The following SSBP2 variants were observed in gnomAD, a reference collection of about 807,000 sequenced individuals.
The protein encoded by SSBP2 is single-stranded DNA-binding protein 2.
A neutral mutation model predicts 61.8 loss-of-function variants in SSBP2; 17 were observed. That is an observed-to-expected ratio of 0.28 (90% CI 0.19 to 0.41). The LOEUF (loss-of-function observed/expected upper bound fraction) is 0.41, where lower values mean the gene tolerates loss of function less well. SSBP2 is among the 10% of genes least tolerant of loss of function. The probability of loss-of-function intolerance (pLI) is 1.00; values close to 1 mark genes in which losing one functional copy is unlikely to be tolerated. For missense variants in SSBP2, 310 were observed against 458.7 expected, an observed-to-expected ratio of 0.68 and a Z score of 2.96; for synonymous variants, 139 against 141.3, an observed-to-expected ratio of 0.98 and a Z score of 0.12.
intron 1 of SSBP2, among the ~76,000 whole-genome samples, chr5:81,704,555 T>C (rs925490993): frequency 6.6e-6 from 1 of 152,132 alleles, no homozygotes; most frequent in Non-Finnish European, 1.5e-5. Context: ...CCCAGCACTT[T>C]GGGAGGCCAA....
intron 1 of SSBP2, among the ~76,000 whole-genome samples, chr5:81,693,715 C>T (rs112239840): frequency 0.077 from 11,741 of 152,152 alleles, 1,033 homozygotes; most frequent in African/African-American, 0.22. Context: ...AGGGAACCCT[C>T]GTACATTGTT....
intron 4 of SSBP2, among the ~76,000 whole-genome samples, chr5:81,539,034 T>C (rs753309001): frequency 2.5e-4 from 38 of 152,234 alleles, no homozygotes; most frequent in Non-Finnish European, 4.7e-4. Context: ...CTGCCACAAA[T>C]AGTGAATCCT....
At chr5:81,462,817 G>A (rs1580746867) in intron 9 of SSBP2, among the ~76,000 whole-genome samples, 1 of 151,926 alleles carries the variant, frequency 6.6e-6, no homozygotes, top group Non-Finnish European at 1.5e-5. Context: ...TGACATAAAA[G>A]TACACCATAT....
chr5:81,491,881 T>C (rs1473903461), intron 5 of SSBP2, among the ~76,000 whole-genome samples: 1 of 152,208 alleles, frequency 6.6e-6, no homozygotes, highest in Non-Finnish European at 1.5e-5. Flanking sequence ...TGTTATAACA[T>C]GGCTTAGTAT....
At chr5:81,436,033 C>T (rs76679921) in intron 15 of SSBP2, among the ~76,000 whole-genome samples, 2,632 of 151,724 alleles carry the variant, frequency 0.017, 88 homozygotes, top group African/African-American at 0.061. Flanking sequence ...ACTAAAAATA[C>T]GAAAATTAGC....
At chr5:81,592,644 T>C (rs1236707593) in intron 4 of SSBP2, among the ~76,000 whole-genome samples, 2 of 152,254 alleles carry the variant, frequency 1.3e-5, no homozygotes, top group East Asian at 3.9e-4. Flanking sequence ...GAGACAAAAC[T>C]TCCAGAGGAA....
chr5:81,488,401 G>T (rs1766593539), intron 6 of SSBP2, among the ~76,000 whole-genome samples: 2 of 151,710 alleles, frequency 1.3e-5, no homozygotes, highest in Admixed American at 6.6e-5. Context: ...TTGTCTTTTT[G>T]ATAATAGCCA....
At chr5:81,640,421 T>C (rs1476036784) in intron 2 of SSBP2, among the ~76,000 whole-genome samples, 1 of 152,098 alleles carries the variant, frequency 6.6e-6, no homozygotes, top group Non-Finnish European at 1.5e-5. Context: ...ATTAAGGAAC[T>C]TGAAGTTAGA....
At chr5:81,467,570 G>A (rs1212682604) in intron 8 of SSBP2, among the ~76,000 whole-genome samples, 7 of 151,906 alleles carry the variant, frequency 4.6e-5, no homozygotes, top group African/African-American at 1.7e-4. Flanking sequence ...AAAAACTAAT[G>A]TATATTCAAA....
intron 16 of SSBP2, among the ~76,000 whole-genome samples, chr5:81,425,296 G>C (rs1384368594): frequency 1.3e-5 from 2 of 152,066 alleles, no homozygotes; most frequent in Non-Finnish European, 2.9e-5. Context: ...TTTTCTTAGA[G>C]AGAAATAAAG....
intron 6 of SSBP2, among the ~76,000 whole-genome samples, chr5:81,476,841 C>A (rs971538186): frequency 2.6e-5 from 4 of 152,124 alleles, no homozygotes; most frequent in Non-Finnish European, 5.9e-5. Context: ...GTTGGTATTT[C>A]ACTATAAGGA....
intron 4 of SSBP2, among the ~76,000 whole-genome samples, chr5:81,608,800 A>C (rs1745142816): frequency 6.6e-6 from 1 of 152,166 alleles, no homozygotes; most frequent in Admixed American, 6.5e-5. Flanking sequence ...TCAGATGCAG[A>C]AATAGCTATT....
intron 4 of SSBP2, among the ~76,000 whole-genome samples, chr5:81,560,961 T>A (rs1175523030): frequency 6.6e-6 from 1 of 152,150 alleles, no homozygotes; most frequent in African/African-American, 2.4e-5. Context: ...CCACTAAAAT[T>A]GCTACAGAAC....
intron 8 of SSBP2, among the ~76,000 whole-genome samples, chr5:81,471,161 G>A (rs970041191): frequency 6.6e-5 from 10 of 151,788 alleles, no homozygotes; most frequent in African/African-American, 2.2e-4. Context: ...TAAGAACACT[G>A]CCAATCCAAA....
intron 1 of SSBP2, among the ~76,000 whole-genome samples, chr5:81,730,122 G>A (rs1756156368): frequency 6.6e-6 from 1 of 152,066 alleles, no homozygotes; most frequent in Non-Finnish European, 1.5e-5. Context: ...AATGAGATGA[G>A]GGATTTCTAT....
chr5:81,676,089 A>G (rs1001740434), intron 1 of SSBP2, among the ~76,000 whole-genome samples: 3 of 152,196 alleles, frequency 2.0e-5, no homozygotes, highest in Non-Finnish European at 4.4e-5. Context: ...CTTAAATGCC[A>G]TCGCTTCTCT....
intron 1 of SSBP2, among the ~76,000 whole-genome samples, chr5:81,715,312 A>C (rs563831886): frequency 6.6e-6 from 1 of 152,318 alleles, no homozygotes; most frequent in African/African-American, 2.4e-5. Flanking sequence ...ACAAAAAGGA[A>C]ATCAAGCAAC....
intron 4 of SSBP2, among the ~76,000 whole-genome samples, chr5:81,538,553 T>C (rs919504287): frequency 7.2e-5 from 11 of 152,334 alleles, no homozygotes; most frequent in South Asian, 2.1e-4. Context: ...AAAGATGCCA[T>C]GTAGAACTTT....
intron 15 of SSBP2, among the ~76,000 whole-genome samples, chr5:81,433,162 G>C (rs1239206408): frequency 6.6e-6 from 1 of 152,076 alleles, no homozygotes. Context: ...TTGTGGAATA[G>C]AAAAGGGGGA....
Sources: gnomAD v4.1 joint callset for allele counts (sites outside exome capture counted in the v4.1 genomes callset) on GRCh38, gnomAD v4.1.1 for gene constraint, MANE v1.5 for transcripts, NCBI Gene and HGNC (gene_info 2026-07-23, HGNC 2026-07-21) for gene names.